MAPKAPK5: variants seen among roughly 807,000 people sequenced by gnomAD.
The protein encoded by MAPKAPK5 is MAP kinase-activated protein kinase 5.
Under a neutral mutation model 65.1 loss-of-function variants are expected in MAPKAPK5, and 30 were observed. The observed-to-expected ratio is 0.46, with a 90% confidence interval of 0.34 to 0.63. The LOEUF is 0.63. MAPKAPK5 is among the 20% of genes least tolerant of loss of function. The pLI is 0.01. For missense variants in MAPKAPK5, 433 were observed against 581.4 expected (o/e 0.74, Z 2.63); for synonymous variants, 179 against 204.6 (o/e 0.87, Z 1.07).
intron 1 of MAPKAPK5, among the ~76,000 whole-genome samples, chr12:111,846,318 C>T (rs762700094): frequency 6.6e-6 from 1 of 152,170 alleles, no homozygotes; most frequent in Non-Finnish European, 1.5e-5. Context: ...TTCCTGGCCT[C>T]CAGCCACAAC....
chr12:111,851,389 G>C (rs1448707030), intron 1 of MAPKAPK5, among the ~76,000 whole-genome samples: 1 of 152,052 alleles, frequency 6.6e-6, no homozygotes, highest in Non-Finnish European at 1.5e-5. Flanking sequence ...GCAGTGGGGT[G>C]ATCTCAGCTC....
rs1390262575 is a variant in MAPKAPK5, at chr12:111,902,083, C to G, written c.*9022C>G. The stretch of plus-strand genomic sequence containing the variant: ...AATTTATTACTAACTCTGGGATTTT[C>G]ATTTTAAGTAACAACTACCTATTAT... On this transcript the variant is annotated 3_prime_UTR_variant, in exon 14 of 14. Transcript: ENST00000550735. 1.3e-5 allele frequency: 2 copies of G among 152,274 alleles called. No homozygotes were observed. The highest frequency in any genetic ancestry group is 4.8e-5 in the African/African-American group (2 of 41,442). 9.4% of individuals were successfully genotyped at this position (152,274 alleles called of 1,614,324 possible).
chr12:111,871,944 C>CT (rs1257864313), intron 7 of MAPKAPK5, among the ~76,000 whole-genome samples: 1 of 152,152 alleles, frequency 6.6e-6, no homozygotes, highest in African/African-American at 2.4e-5. Flanking sequence ...TAATCGTGGA[C>CT]TTTGTATGCT....
At chr12:111,865,845 A>G (rs60248521) in intron 2 of MAPKAPK5, among the ~76,000 whole-genome samples, 1,889 of 151,290 alleles carry the variant, frequency 0.012, 54 homozygotes, top group African/African-American at 0.044. Flanking sequence ...AAAAAAAAAA[A>G]AAAAAAAAAA....
intron 1 of MAPKAPK5, among the ~76,000 whole-genome samples, chr12:111,854,042 T>A (rs184543967): frequency 9.9e-5 from 15 of 152,246 alleles, no homozygotes; most frequent in African/African-American, 3.6e-4. Flanking sequence ...TTCTTACATG[T>A]TGCTAGTTTC....
rs2070295374 is a variant in MAPKAPK5 at position 111,883,212 on chromosome 12, A to C, written c.661-369A>C. Among the ~76,000 whole-genome samples the C allele has an allele frequency of 2.0e-5, 3 of 152,024 alleles. No individual in the cohort carries two copies. Among genetic ancestry groups the C allele is most frequent in the Non-Finnish European group, 4.4e-5 (3 of 67,968 alleles). ...ATGGTGAAAGCCTATCTCTACTAAA[A>C]AAAAAATACAAAAATTAGCCAGGCG... On this transcript the variant is annotated intron_variant, in intron 8 of 13. Transcript: ENST00000550735. This position sits in a 1 kb window ranked among gnomAD's most constrained non-coding sequence, Gnocchi z 4.8.
At position 111,867,677 on chromosome 12, in the gene MAPKAPK5, T is replaced by C. The variant is rs1236603642; in HGVS notation, c.284+8T>C. On this transcript the variant is annotated splice_region_variant and intron_variant, in intron 4 of 13. Coordinates refer to ENST00000550735, the MANE Select transcript of MAPKAPK5 (RefSeq NM_003668.4). ...CCATGAGTCCAGCCCTAGGTAAGAC[T>C]ACACAGTGTCATCATCAAATGCCCA... The C allele has an allele frequency of 2.5e-6, 4 of 1,604,648 alleles. No homozygotes were observed. In the African/African-American group the frequency reaches 4.0e-5, roughly 16 times the overall value.
intron 9 of MAPKAPK5, 156 bp from the exon 10 acceptor site, chr12:111,885,760 G>A (rs2070379876): frequency 1.2e-6 from 1 of 820,840 alleles, no homozygotes; most frequent in African/African-American, 1.7e-5. Context: ...CCTACAAGTG[G>A]TTGGAGACTA....
rs116121301 is a variant in MAPKAPK5, at chr12:111,901,499, A to C, written c.*8438A>C. On this transcript the variant is annotated 3_prime_UTR_variant, in exon 14 of 14. Coordinates refer to ENST00000550735, the MANE Select transcript of MAPKAPK5 (RefSeq NM_003668.4). The stretch of plus-strand genomic sequence containing the variant: ...TATCATTCATTATACTTTTTATAAT[A>C]TTATTATTAAGTACAATTATTTGAT... 8.8e-5 allele frequency: 37 copies of C among 422,688 alleles called. No individual in the cohort carries two copies. Among genetic ancestry groups the C allele is most frequent in the African/African-American group, 5.5e-4 (27 of 48,750 alleles). The allele number at this position is 422,688 out of a possible 1,614,324, so 26.2% of individuals were successfully genotyped here. A position where few individuals can be genotyped will look rare whatever the true frequency, so the allele number is the denominator to read the frequency against.
chr12:111,898,098 C>G lies in MAPKAPK5; in HGVS notation c.*5037C>G, dbSNP rs1325436458. On this transcript the variant is annotated 3_prime_UTR_variant, in exon 14 of 14. Transcript: ENST00000550735. ...AAACCGAAGAAATCTTTTAAAAGTT[C>G]TTATATAGCCCAGTTTTCTTTTCTT... The G allele has an allele frequency of 6.6e-6, 1 of 151,832 alleles. No homozygotes were observed. Among genetic ancestry groups the G allele is most frequent in the African/African-American group, 2.4e-5 (1 of 41,346 alleles). 9.4% of individuals were successfully genotyped at this position (151,832 alleles called of 1,614,324 possible).
At chr12:111,885,539 CA>C in intron 9 of MAPKAPK5, 1 of 168,308 alleles carries the variant, frequency 5.9e-6, no homozygotes, top group Non-Finnish European at 1.3e-5. Flanking sequence ...CACTATCAGC[CA>C]AAAAGAGCAC....
intron 9 of MAPKAPK5, among the ~76,000 whole-genome samples, chr12:111,884,262 G>C (rs779080069): frequency 4.6e-5 from 7 of 152,194 alleles, no homozygotes; most frequent in Non-Finnish European, 1.0e-4. Flanking sequence ...CCAGGGTGGA[G>C]TGCAGTGGTA....
chr12:111,888,337 TC>T, intron 10 of MAPKAPK5, 150 bp from the exon 11 acceptor site: 2 of 1,094,220 alleles, frequency 1.8e-6, no homozygotes, highest in Non-Finnish European at 1.3e-6. Context: ...TGGGGAAAAG[TC>T]CTTTGCCTTA....
chr12:111,856,801 G>C (rs1174135975), intron 1 of MAPKAPK5, among the ~76,000 whole-genome samples: 1 of 152,122 alleles, frequency 6.6e-6, no homozygotes, highest in African/African-American at 2.4e-5. Flanking sequence ...TGTTTATGCA[G>C]TTAAATCTTA....
rs986958692 is a variant in MAPKAPK5, at chr12:111,900,779, T to C, written c.*7718T>C. On this transcript the variant is annotated 3_prime_UTR_variant, in exon 14 of 14. Coordinates refer to ENST00000550735, the MANE Select transcript of MAPKAPK5 (RefSeq NM_003668.4). ...GTGATCTCCCAGAATTTTGCAATGG[T>C]ACATCTGCATTATGCCCCAACAACA... 2.2e-6 allele frequency: 1 copy of C among 456,012 alleles called. No homozygotes were observed. The highest frequency in any genetic ancestry group is 2.0e-5 in the African/African-American group (1 of 50,086). The allele number at this position is 456,012 out of a possible 1,614,324, so 28.2% of individuals were successfully genotyped here.
intron 1 of MAPKAPK5, among the ~76,000 whole-genome samples, chr12:111,861,454 A>G (rs911180294): frequency 2.0e-5 from 3 of 151,662 alleles, no homozygotes; most frequent in Non-Finnish European, 4.4e-5. Flanking sequence ...TCAACCTCCC[A>G]AGTAGCTGGG....
At chr12:111,867,763 T>G (rs2069659951) in intron 4 of MAPKAPK5, 94 bp downstream of exon 4, 1 of 861,316 alleles carries the variant, frequency 1.2e-6, no homozygotes, top group African/African-American at 1.7e-5. Flanking sequence ...CCCTTCCCTC[T>G]CCTTCTTCCT....
chr12:111,855,475 A>T (rs1399354030), intron 1 of MAPKAPK5, among the ~76,000 whole-genome samples: 1 of 152,162 alleles, frequency 6.6e-6, no homozygotes, highest in African/African-American at 2.4e-5. Flanking sequence ...ATTTTCATTG[A>T]GATAAAATAT....
intron 8 of MAPKAPK5, among the ~76,000 whole-genome samples, chr12:111,882,153 G>C (rs2070255651): frequency 1.3e-5 from 2 of 152,316 alleles, no homozygotes; most frequent in South Asian, 4.1e-4. Context: ...GGCCGAGGTG[G>C]GCGGATCACG....
Sources: gnomAD v4.1 joint callset for allele counts (sites outside exome capture counted in the v4.1 genomes callset) on GRCh38, gnomAD v4.1.1 for gene constraint, Gnocchi (gnomAD v3.1) non-coding constraint, MANE v1.5 for transcripts, NCBI Gene and HGNC (gene_info 2026-07-23, HGNC 2026-07-21) for gene names.